The following ANKS1B variants were observed in gnomAD, a reference collection of about 807,000 sequenced individuals.
ANKS1B encodes the protein ankyrin repeat and sterile alpha motif domain-containing protein 1B.
Under a neutral mutation model 148.3 loss-of-function variants are expected in ANKS1B, and 36 were observed. The ratio of observed to expected loss-of-function variants is 0.24; its 90% CI spans 0.19 to 0.32. The LOEUF is 0.32. Among genes scored for constraint, ANKS1B ranks in the 10% least tolerant of loss-of-function variants. The pLI, the probability that ANKS1B is intolerant of heterozygous loss-of-function variation, is 1.00. For missense variants in ANKS1B, 1,157 were observed against 1,542.6 expected, an observed-to-expected ratio of 0.75 and a Z score of 4.19; for synonymous variants, 542 against 560.8, an observed-to-expected ratio of 0.97 and a Z score of 0.47.
chr12:99,823,592 C>G lies in ANKS1B; in HGVS notation c.215+1717G>C, dbSNP rs577546095. ...AAGTGCTGGGATTACAGGCATGAGC[C>G]ACTGCACCTGGCCTCAATGTTTCTT... On this transcript the variant is annotated intron_variant, in intron 2 of 26. Transcript: ENST00000683438. Among the ~76,000 whole-genome samples, 3 of 152,308 alleles carry G rather than the reference C, an allele frequency of 2.0e-5. No individual in the cohort carries two copies. The South Asian group carries it at 6.2e-4, about 32-fold the overall frequency.
At chr12:99,204,752 A>G (rs1187291286) in intron 14 of ANKS1B, among the ~76,000 whole-genome samples, 1 of 152,166 alleles carries the variant, frequency 6.6e-6, no homozygotes, top group African/African-American at 2.4e-5. Flanking sequence ...TGACTTTGAT[A>G]AGCCGTTGCT....
chr12:99,765,325 G>T (rs2062545032), intron 8 of ANKS1B, among the ~76,000 whole-genome samples: 1 of 152,246 alleles, frequency 6.6e-6, no homozygotes, highest in Non-Finnish European at 1.5e-5. Context: ...ATTATTTTGA[G>T]ATATTATAGT....
intron 15 of ANKS1B, among the ~76,000 whole-genome samples, chr12:99,128,108 T>G (rs2064955517): frequency 6.6e-6 from 1 of 152,192 alleles, no homozygotes; most frequent in African/African-American, 2.4e-5. Flanking sequence ...TCAAGAAAGT[T>G]TATTGACTAG....
intron 16 of ANKS1B, among the ~76,000 whole-genome samples, chr12:99,055,726 G>GC (rs371341729): frequency 4.4e-4 from 66 of 150,516 alleles, no homozygotes; most frequent in African/African-American, 1.4e-3. Flanking sequence ...AAACTTGGGG[G>GC]GGGGGGAGGT....
chr12:98,757,919 T>C (rs559420523), intron 25 of ANKS1B, among the ~76,000 whole-genome samples: 228 of 145,734 alleles, frequency 1.6e-3, no homozygotes, highest in Non-Finnish European at 2.3e-3. Context: ...GAGAGCTGCA[T>C]GTGTGTGCAT....
At position 98,807,920 on chromosome 12, in the gene ANKS1B, T is replaced by C. The variant is rs757684838; in HGVS notation, c.3067-2A>G. On this transcript the variant is annotated splice_acceptor_variant, in intron 19 of 26. Transcript: ENST00000683438. LOFTEE classifies it high-confidence loss of function. Reference sequence around the variant, plus strand: ...CCATATTTCACAGACAGACGACTGCTGATATAAACAGAAAACTATCTTATC... The same window carrying C: ...CCATATTTCACAGACAGACGACTGCCGATATAAACAGAAAACTATCTTATC... 31 of 1,611,620 alleles carry C rather than the reference T, an allele frequency of 1.9e-5. No individual in the cohort carries two copies. The highest frequency in any genetic ancestry group is 2.5e-5 in the Non-Finnish European group (29 of 1,178,592).
At position 99,399,726 on chromosome 12, in the gene ANKS1B, G is replaced by A. The variant is rs1203913967; in HGVS notation, c.1661C>T (p.Thr554Ile). The change falls in exon 12 of 27, where the codon ACA (threonine) becomes ATA (isoleucine). Residue 554 changes from threonine (T) to isoleucine (I), a missense_variant. Physicochemically the swap from Thr to Ile is moderately conservative, Grantham distance 89. Coordinates refer to ENST00000683438, the MANE Select transcript of ANKS1B (RefSeq NM_001352186.2). ...ACTGGCAGTAAAGCTTGTGCACCCT[G>A]TAGATGTGTTGATTTCAAAATATTC... is the stretch of plus-strand genomic sequence containing the variant. Reference protein sequence around the residue: ...NQEYFEINTSTGCTSFTASPP... With the variant: ...NQEYFEINTSIGCTSFTASPP... 1 of 1,613,412 alleles carries A rather than the reference G, an allele frequency of 6.2e-7. No individual in the cohort carries two copies. Among genetic ancestry groups the A allele is most frequent in the Non-Finnish European group, 8.5e-7 (1 of 1,179,534 alleles).
At chr12:99,660,205 G>C (rs1473888389) in intron 8 of ANKS1B, among the ~76,000 whole-genome samples, 5 of 152,250 alleles carry the variant, frequency 3.3e-5, no homozygotes, top group Admixed American at 2.0e-4. Context: ...ACATGAAAGA[G>C]TGAAGCTTTC....
chr12:99,149,071 AG>A (rs201907888), intron 15 of ANKS1B, among the ~76,000 whole-genome samples: 4 of 151,336 alleles, frequency 2.6e-5, no homozygotes, highest in Non-Finnish European at 5.9e-5. Context: ...TCACGGGGGG[AG>A]GGGGGTGACT....
chr12:98,849,007 G>A (rs1454602739), intron 17 of ANKS1B, among the ~76,000 whole-genome samples: 1 of 151,942 alleles, frequency 6.6e-6, no homozygotes, highest in Admixed American at 6.6e-5. Context: ...CCCAAATGCT[G>A]GGATTACAGG....
At chr12:99,347,661 A>T (rs1332084289) in intron 12 of ANKS1B, among the ~76,000 whole-genome samples, 1 of 152,072 alleles carries the variant, frequency 6.6e-6, no homozygotes, top group Non-Finnish European at 1.5e-5. Flanking sequence ...TACTGTCAGT[A>T]AAAAATTAGA....
At chr12:99,859,653 G>GT (rs141499597) in intron 1 of ANKS1B, among the ~76,000 whole-genome samples, 4,165 of 144,684 alleles carry the variant, frequency 0.029, 172 homozygotes, top group African/African-American at 0.094. Context: ...TTTTGTTTTT[G>GT]TTTTTTTTTT....
intron 12 of ANKS1B, among the ~76,000 whole-genome samples, chr12:99,303,452 T>C (rs533002756): frequency 2.6e-4 from 40 of 152,242 alleles, no homozygotes; most frequent in Non-Finnish European, 4.9e-4. Flanking sequence ...GGTTGTACTA[T>C]GCCCCAACAC....
intron 15 of ANKS1B, among the ~76,000 whole-genome samples, chr12:99,126,950 G>T (rs2153741425): frequency 6.6e-6 from 1 of 152,174 alleles, no homozygotes; most frequent in South Asian, 2.1e-4. Flanking sequence ...GGAATATTCA[G>T]CTAAGATTTG....
chr12:99,163,351 C>T (rs954885665), intron 14 of ANKS1B, among the ~76,000 whole-genome samples: 61 of 151,850 alleles, frequency 4.0e-4, no homozygotes, highest in African/African-American at 1.5e-3. Context: ...CTTCAGTTTT[C>T]TCCAGTTGTG....
At chr12:99,861,984 G>T (rs1250625088) in intron 1 of ANKS1B, among the ~76,000 whole-genome samples, 1 of 150,238 alleles carries the variant, frequency 6.7e-6, no homozygotes, top group Non-Finnish European at 1.5e-5. Flanking sequence ...CGGGGGTGGG[G>T]GGCTGAAGCC....
chr12:98,824,440 T>C (rs1201557754), intron 19 of ANKS1B, among the ~76,000 whole-genome samples: 1 of 152,180 alleles, frequency 6.6e-6, no homozygotes, highest in Non-Finnish European at 1.5e-5. Flanking sequence ...GCAGGGACCT[T>C]TGAATTAGGG....
At chr12:98,787,267 A>C (rs1407316687) in intron 22 of ANKS1B, among the ~76,000 whole-genome samples, 1 of 152,178 alleles carries the variant, frequency 6.6e-6, no homozygotes, top group Admixed American at 6.5e-5. Flanking sequence ...TTTGAAACTG[A>C]GCTTAAAGGC....
intron 12 of ANKS1B, among the ~76,000 whole-genome samples, chr12:99,317,079 T>C: frequency 6.6e-6 from 1 of 152,206 alleles, no homozygotes; most frequent in South Asian, 2.1e-4. Flanking sequence ...AGCCTTGTAG[T>C]ATAATTTGAA....
Sources: gnomAD v4.1 joint callset for allele counts (sites outside exome capture counted in the v4.1 genomes callset) on GRCh38, gnomAD v4.1.1 for gene constraint, MANE v1.5 for transcripts, NCBI Gene and HGNC (gene_info 2026-07-23, HGNC 2026-07-21) for gene names.